Variants in STARD10 observed in about 807,000 individuals in gnomAD.
The protein encoded by STARD10 is START domain-containing protein 10.
In STARD10, 24 loss-of-function variants were observed where a neutral mutation model predicts 36.0. That is an observed-to-expected ratio of 0.67 (90% CI 0.48 to 0.94). The LOEUF is 0.94. Among genes scored for constraint, STARD10 ranks in the 40% least tolerant of loss-of-function variants. The pLI is 0.00. For synonymous variants in STARD10, 156 were observed against 161.9 expected (o/e 0.96, Z 0.28); for missense variants, 335 against 396.6 (o/e 0.84, Z 1.32).
chr11:72,793,372 A>C lies in STARD10; in HGVS notation c.-611T>G, dbSNP rs1274686910. ...CTCCCAACAGCCTGTTTGCATTTAC[A>C]AATGAGAAAGCTCAGTTCCCTAAGG... On this transcript the variant is annotated 5_prime_UTR_variant, in exon 1 of 7. Coordinates refer to ENST00000334805, the MANE Select transcript of STARD10 (RefSeq NM_006645.3). 6.6e-6 allele frequency: 1 copy of C among 152,270 alleles called. No homozygotes were observed. The highest frequency in any genetic ancestry group is 2.4e-5 in the African/African-American group (1 of 41,472). The allele number at this position is 152,270 out of a possible 1,614,324, so 9.4% of individuals were successfully genotyped here.
chr11:72,789,758 C>T (rs1859118049), intron 1 of STARD10, among the ~76,000 whole-genome samples: 1 of 152,208 alleles, frequency 6.6e-6, no homozygotes, highest in Admixed American at 6.5e-5. Flanking sequence ...AGGTTCCAAA[C>T]CCACACCTGG....
At chr11:72,775,217 C>T (rs928905121) in intron 2 of STARD10, among the ~76,000 whole-genome samples, 3 of 152,214 alleles carry the variant, frequency 2.0e-5, no homozygotes, top group South Asian at 2.1e-4. Context: ...CATCATATCC[C>T]GTCCATGATC....
chr11:72,791,835 T>C (rs1254686340), intron 1 of STARD10, among the ~76,000 whole-genome samples: 1 of 152,072 alleles, frequency 6.6e-6, no homozygotes, highest in African/African-American at 2.4e-5. Context: ...GATAATTCCA[T>C]TGAATTATCT....
chr11:72,761,926 T>C (rs1451972005), intron 2 of STARD10, among the ~76,000 whole-genome samples: 1 of 132,820 alleles, frequency 7.5e-6, no homozygotes, highest in African/African-American at 2.8e-5. Context: ...TCTTTTTTTT[T>C]TTTTTTTTTT....
intron 2 of STARD10, among the ~76,000 whole-genome samples, chr11:72,762,129 T>C (rs948395975): frequency 2.0e-5 from 3 of 151,870 alleles, no homozygotes; most frequent in Middle Eastern, 3.2e-3. Flanking sequence ...TTTCACCATG[T>C]TGGCCAGGCT....
Position 72,759,197 on chromosome 11 carries a change from C to T in STARD10, c.355+37G>A, listed in dbSNP as rs775042145. ...GCTTGGTGGGAGGCCTGGATGGAGGCCAAGGGGACTGGGATCAGCGTGCTA... is the reference window on the plus strand; with the variant it reads ...GCTTGGTGGGAGGCCTGGATGGAGGTCAAGGGGACTGGGATCAGCGTGCTA... On this transcript the variant is annotated intron_variant, in intron 3 of 6. Coordinates refer to ENST00000334805, the MANE Select transcript of STARD10 (RefSeq NM_006645.3). 3.7e-6 allele frequency: 6 copies of T among 1,609,726 alleles called. No individual in the cohort carries two copies. The South Asian group carries it at 5.5e-5, about 15-fold the overall frequency.
intron 2 of STARD10, among the ~76,000 whole-genome samples, chr11:72,771,467 G>T (rs1858855745): frequency 6.6e-6 from 1 of 152,142 alleles, no homozygotes; most frequent in African/African-American, 2.4e-5. Context: ...CCTGTGAAGT[G>T]AAGGGGATCT....
At chr11:72,774,941 T>C (rs1293717911) in intron 2 of STARD10, among the ~76,000 whole-genome samples, 2 of 152,200 alleles carry the variant, frequency 1.3e-5, no homozygotes, top group Admixed American at 6.5e-5. Context: ...GAAACTGAGC[T>C]GGGGCTCGTT....
intron 2 of STARD10, among the ~76,000 whole-genome samples, chr11:72,766,543 G>T (rs897715380): frequency 6.6e-6 from 1 of 152,216 alleles, no homozygotes; most frequent in Non-Finnish European, 1.5e-5. Flanking sequence ...GTGGTGCAAA[G>T]GCCTGGAGGC....
rs181263397 is a variant in STARD10 at position 72,779,466 on chromosome 11, C to T, written c.207+1509G>A. The stretch of plus-strand genomic sequence containing the variant: ...AATTAGCTGAGTGTGGTGGTGTGCA[C>T]CAGCAGTCCCAGCTACTGCTGGGAG... On this transcript the variant is annotated intron_variant, in intron 2 of 6. Coordinates refer to ENST00000334805, the MANE Select transcript of STARD10 (RefSeq NM_006645.3). 1.3e-3 allele frequency among the ~76,000 whole-genome samples: 200 copies of T among 152,266 alleles called. 1 individual carries two copies. Among genetic ancestry groups the T allele is most frequent in the African/African-American group, 4.6e-3 (192 of 41,558 alleles).
At chr11:72,783,386 A>C (rs1859029619) in intron 1 of STARD10, 1 of 151,984 alleles carries the variant, frequency 6.6e-6, no homozygotes, top group African/African-American at 2.4e-5. Flanking sequence ...TCCCTTCTAA[A>C]CCACACTCCT....
At chr11:72,762,300 C>T (rs1247756380) in intron 2 of STARD10, among the ~76,000 whole-genome samples, 1 of 151,998 alleles carries the variant, frequency 6.6e-6, no homozygotes, top group Non-Finnish European at 1.5e-5. Context: ...GGAAAGGTCC[C>T]CCAGCAATAC....
chr11:72,758,492 C>T (rs780403679), intron 4 of STARD10, 38 bp downstream of exon 4: 2 of 1,564,278 alleles, frequency 1.3e-6, no homozygotes, highest in Admixed American at 1.7e-5. Flanking sequence ...GCCTGACCCT[C>T]TCCCCTGCTC....
At chr11:72,755,303 A>ATTATTTTTTT in intron 6 of STARD10, 161 bp from the exon 7 acceptor site, 1 of 483,486 alleles carries the variant, frequency 2.1e-6, no homozygotes, top group East Asian at 4.2e-5. Context: ...TCCATTCTCC[A>ATTATTTTTTT]TTCTTTTTTT....
At chr11:72,767,804 T>G (rs1858811545) in intron 2 of STARD10, among the ~76,000 whole-genome samples, 1 of 152,188 alleles carries the variant, frequency 6.6e-6, no homozygotes, top group African/African-American at 2.4e-5. Flanking sequence ...TGGCCTTGGC[T>G]TGGGCAAAGA....
At chr11:72,790,112 C>T (rs1319675988) in intron 1 of STARD10, among the ~76,000 whole-genome samples, 3 of 152,240 alleles carry the variant, frequency 2.0e-5, no homozygotes, top group Admixed American at 6.5e-5. Context: ...GGGTTTCTCC[C>T]GACTGGGCCC....
At chr11:72,756,944 G>C (rs1395215629) in intron 5 of STARD10, among the ~76,000 whole-genome samples, 1 of 152,046 alleles carries the variant, frequency 6.6e-6, no homozygotes, top group African/African-American at 2.4e-5. Flanking sequence ...AGGAGTTCGA[G>C]ACCAGGCTGG....
At position 72,772,171 on chromosome 11, in the gene STARD10, C is replaced by T. The variant is rs147082911; in HGVS notation, c.207+8804G>A. Among the ~76,000 whole-genome samples, 1,355 of 151,564 alleles carry T rather than the reference C, an allele frequency of 8.9e-3. 21 individuals carry two copies. The highest frequency in any genetic ancestry group is 0.031 in the African/African-American group (1,258 of 41,176). ...TAGTGGGCATGGTTCTCCCTGTGCC[C>T]GGTGCTGCCATAGGGGGCATGGTTC... On this transcript the variant is annotated intron_variant, in intron 2 of 6. Transcript: ENST00000334805.
chr11:72,781,446 G>T lies in STARD10; in HGVS notation c.-113-152C>A, dbSNP rs955697925. Reference sequence around the variant, plus strand: ...GACAGCCTCGGGGTCCCCCTCCCGAGGAGCGCCCCAGACCCCCTGGGGCCG... The same window carrying T: ...GACAGCCTCGGGGTCCCCCTCCCGATGAGCGCCCCAGACCCCCTGGGGCCG... On this transcript the variant is annotated intron_variant, in intron 1 of 6. Transcript: ENST00000334805. This position sits in a 1 kb window ranked among gnomAD's most constrained non-coding sequence, Gnocchi z 4.7. 6.6e-5 allele frequency among the ~76,000 whole-genome samples: 10 copies of T among 151,846 alleles called. No individual in the cohort carries two copies. Among genetic ancestry groups the T allele is most frequent in the Non-Finnish European group, 4.4e-5 (3 of 67,852 alleles).
Sources: allele counts gnomAD v4.1 joint callset (sites outside exome capture counted in the v4.1 genomes callset), GRCh38; gene constraint gnomAD v4.1.1; non-coding constraint Gnocchi (gnomAD v3.1); transcripts MANE v1.5; gene names NCBI Gene and HGNC (gene_info 2026-07-23, HGNC 2026-07-21).